The following AGO4 variants were observed in gnomAD, a reference collection of about 807,000 sequenced individuals.
The protein encoded by AGO4 is protein argonaute-4.
In AGO4, 33 loss-of-function variants were observed where a neutral mutation model predicts 104.7. The observed-to-expected ratio is 0.32, with a 90% confidence interval of 0.24 to 0.42. The LOEUF is 0.42. Ranked by LOEUF, AGO4 falls within the 10% of genes least tolerant of loss-of-function variation. The pLI is 1.00. For missense variants in AGO4, 711 were observed against 1,083.4 expected (o/e 0.66, Z 4.83); for synonymous variants, 331 against 364.7 (o/e 0.91, Z 1.05).
intron 12 of AGO4, among the ~76,000 whole-genome samples, chr1:35,834,876 T>C (rs909401299): frequency 6.6e-6 from 1 of 152,170 alleles, no homozygotes; most frequent in African/African-American, 2.4e-5. Context: ...TTGTATTTTT[T>C]ATAGAGATAG....
chr1:35,823,776 G>T (rs1643942231), intron 3 of AGO4, among the ~76,000 whole-genome samples: 1 of 145,880 alleles, frequency 6.9e-6, no homozygotes, highest in East Asian at 2.0e-4. Context: ...TACAGATGGG[G>T]TTTCACCATG....
intron 2 of AGO4, among the ~76,000 whole-genome samples, chr1:35,818,658 A>AAGGAAGGAAGG (rs1553144551): frequency 2.3e-3 from 144 of 61,508 alleles, no homozygotes; most frequent in African/African-American, 5.9e-3. Context: ...AGAAAGAAAG[A>AAGGAAGGAAGG]AAGGAAGAAA....
chr1:35,841,304 C>T lies in AGO4; in HGVS notation c.1864C>T (p.Arg622Trp), dbSNP rs201183539. The change falls in exon 14 of 18, where the codon CGG becomes TGG. Residue 622 changes from arginine (R) to tryptophan (W), a missense_variant. This residue lies in a region of AGO4 where 401 missense variants were observed against 665.5 expected (regional missense o/e 0.60). Coordinates refer to ENST00000373210, the MANE Select transcript of AGO4 (RefSeq NM_017629.4). This position sits in a 1 kb window ranked among gnomAD's most constrained non-coding sequence, Gnocchi z 4.7. The stretch of plus-strand genomic sequence containing the variant: ...CCCCAGCCGGTACTGTGCCACCGTT[C>T]GGGTGCAGACTTCCCGGCAGGAGAT... The part of the protein sequence containing the change: ...GHPSRYCATV[R>W]VQTSRQEISQ... 9.3e-6 allele frequency: 15 copies of T among 1,614,132 alleles called. No individual in the cohort carries two copies. The highest frequency in any genetic ancestry group is 1.2e-5 in the Non-Finnish European group (14 of 1,180,034).
intron 13 of AGO4, among the ~76,000 whole-genome samples, chr1:35,840,158 A>AC (rs1357879804): frequency 4.0e-5 from 5 of 124,984 alleles, no homozygotes; most frequent in African/African-American, 1.5e-4. Flanking sequence ...TGCCCGTCTA[A>AC]TTTTTTTTTT....
At chr1:35,832,363 C>A (rs560400640) in intron 10 of AGO4, 74 bp from the exon 11 acceptor site, 6 of 1,500,636 alleles carry the variant, frequency 4.0e-6, no homozygotes, top group Non-Finnish European at 5.3e-6. Flanking sequence ...AGTAAAATGG[C>A]CTTAGATTGT....
chr1:35,812,916 G>A (rs1339256101), intron 1 of AGO4, among the ~76,000 whole-genome samples: 1 of 152,062 alleles, frequency 6.6e-6, no homozygotes, highest in Admixed American at 6.6e-5. Flanking sequence ...GAATGATACA[G>A]TGATTGCTTA....
chr1:35,850,826 A>AG (rs771060498), intron 16 of AGO4, 28 bp from the exon 17 acceptor site: 2 of 1,541,498 alleles, frequency 1.3e-6, no homozygotes, highest in Admixed American at 2.2e-5. Flanking sequence ...ACAAAAAAAA[A>AG]ACATTAATCA....
intron 2 of AGO4, among the ~76,000 whole-genome samples, chr1:35,821,327 A>T (rs1045349953): frequency 3.3e-5 from 5 of 152,206 alleles, no homozygotes; most frequent in African/African-American, 1.2e-4. Context: ...TGTAAACATG[A>T]CTTTCCCACA....
chr1:35,850,612 T>C (rs1644676069), intron 16 of AGO4, among the ~76,000 whole-genome samples: 3 of 151,218 alleles, frequency 2.0e-5, no homozygotes, highest in Admixed American at 1.3e-4. Flanking sequence ...AAACCCCATC[T>C]CTACTAAAAA....
At chr1:35,823,070 A>G in intron 3 of AGO4, 88 bp downstream of exon 3, 1 of 1,482,622 alleles carries the variant, frequency 6.7e-7, no homozygotes. Context: ...ACACACACAA[A>G]AAACATAAAT....
chr1:35,844,081 C>T (rs572303673), intron 15 of AGO4, among the ~76,000 whole-genome samples: 30 of 152,250 alleles, frequency 2.0e-4, no homozygotes, highest in African/African-American at 6.0e-4. Flanking sequence ...CACTCTGTCA[C>T]CCAGGGTGGA....
rs1176001179 is a variant in AGO4 at position 35,854,330 on chromosome 1, A to G, written c.*725A>G. The G allele has an allele frequency of 6.5e-6, 1 of 152,672 alleles. No homozygotes were observed. The highest frequency in any genetic ancestry group is 1.9e-4 in the East Asian group (1 of 5,204). 9.5% of individuals were successfully genotyped at this position (152,672 alleles called of 1,614,324 possible). On this transcript the variant is annotated 3_prime_UTR_variant, in exon 18 of 18. Transcript: ENST00000373210. The stretch of plus-strand genomic sequence containing the variant: ...TGTAATGCATGTCACAGTGACGGAG[A>G]TAACACTGCCATGATAAAAGTACTC...
Position 35,841,529 on chromosome 1 carries a change from G to GA in AGO4, c.2040+50dup. ...CTTCGGGGCCCCTAGGAGTCTGAGGGAGATTCCTCTCATCTACCATTCTGG... is the reference window on the plus strand; with the variant it reads ...CTTCGGGGCCCCTAGGAGTCTGAGGGAAGATTCCTCTCATCTACCATTCTGG... On this transcript the variant is annotated intron_variant, in intron 14 of 17. Coordinates refer to ENST00000373210, the MANE Select transcript of AGO4 (RefSeq NM_017629.4). The surrounding 1 kb of genome is among the most constrained non-coding windows in gnomAD (Gnocchi z 4.7). 6.2e-7 allele frequency: 1 copy of GA among 1,607,642 alleles called. No individual in the cohort carries two copies. The highest frequency in any genetic ancestry group is 8.5e-7 in the Non-Finnish European group (1 of 1,174,878).
At chr1:35,848,925 GA>G (rs1422096657) in intron 15 of AGO4, among the ~76,000 whole-genome samples, 3 of 152,154 alleles carry the variant, frequency 2.0e-5, no homozygotes, top group Non-Finnish European at 4.4e-5. Flanking sequence ...GCATTTGATG[GA>G]AGGAGATTTT....
Position 35,835,976 on chromosome 1 carries a change from G to A in AGO4, c.1707G>A (p.Val569=), listed in dbSNP as rs749419482. The change falls in exon 13 of 18, where the codon GTG becomes GTA. Residue 569 remains valine, a synonymous_variant. Coordinates refer to ENST00000373210, the MANE Select transcript of AGO4 (RefSeq NM_017629.4). Reference sequence around the variant, plus strand: ...CAAAACTTGGAGGAATTAACAATGTGCTTGTGCCTCATCAAAGGTAAGATT... The same window carrying A: ...CAAAACTTGGAGGAATTAACAATGTACTTGTGCCTCATCAAAGGTAAGATT... ...INAKLGGINN[V]LVPHQRPSVF... is the part of the protein sequence containing the mutation. 1 of 1,612,542 alleles carries A rather than the reference G, an allele frequency of 6.2e-7. No individual in the cohort carries two copies. The highest frequency in any genetic ancestry group is 1.7e-5 in the Admixed American group (1 of 59,666).
Position 35,841,319 on chromosome 1 carries a change from C to G in AGO4, c.1879C>G (p.Arg627Gly), listed in dbSNP as rs369348803. 1.2e-4 allele frequency: 192 copies of G among 1,614,104 alleles called. No individual in the cohort carries two copies. Among genetic ancestry groups the G allele is most frequent in the Non-Finnish European group, 1.5e-4 (175 of 1,180,022 alleles). The change falls in exon 14 of 18, where the codon CGG becomes GGG. Residue 627 changes from arginine to glycine, a missense_variant. By Grantham distance (125) the Arg-to-Gly change is moderately radical (BLOSUM62 -2). Around this residue, in one of 3 missense-constraint regions of AGO4, gnomAD observed 401 missense variants for 665.5 expected, o/e 0.60. Coordinates refer to ENST00000373210, the MANE Select transcript of AGO4 (RefSeq NM_017629.4). This position sits in a 1 kb window ranked among gnomAD's most constrained non-coding sequence, Gnocchi z 4.7. ...YCATVRVQTS[R>G]QEISQELLYS... ...TGCCACCGTTCGGGTGCAGACTTCC[C>G]GGCAGGAGATCTCCCAAGAGCTCCT...
At chr1:35,845,637 C>T (rs1175423314) in intron 15 of AGO4, among the ~76,000 whole-genome samples, 1 of 152,116 alleles carries the variant, frequency 6.6e-6, no homozygotes, top group Non-Finnish European at 1.5e-5. Flanking sequence ...CTTTTCTGGG[C>T]GAATTCCCTT....
Position 35,825,664 on chromosome 1 carries a change from C to T in AGO4, c.489-15C>T. On this transcript the variant is annotated splice_polypyrimidine_tract_variant and intron_variant, in intron 4 of 17. Transcript: ENST00000373210. The stretch of plus-strand genomic sequence containing the variant: ...ACATGTTTAATGTGACACATGCAAA[C>T]TCTTATTTCTTCAGGTACACCCCAG... 3.9e-6 allele frequency: 6 copies of T among 1,533,700 alleles called. No homozygotes were observed. The highest frequency in any genetic ancestry group is 5.2e-6 in the Non-Finnish European group (6 of 1,144,514).
chr1:35,848,051 CA>C (rs1221272996), intron 15 of AGO4, among the ~76,000 whole-genome samples: 1 of 151,922 alleles, frequency 6.6e-6, no homozygotes, highest in African/African-American at 2.4e-5. Flanking sequence ...TCTGTCATAC[CA>C]AAAAATCTTC....
Sources: gnomAD v4.1 joint callset for allele counts (sites outside exome capture counted in the v4.1 genomes callset) on GRCh38, gnomAD v4.1.1 for gene constraint, gnomAD v4.1.1 regional missense constraint, Gnocchi (gnomAD v3.1) non-coding constraint, MANE v1.5 for transcripts, NCBI Gene and HGNC (gene_info 2026-07-23, HGNC 2026-07-21) for gene names.